The following MYOF variants were observed in gnomAD, a reference collection of about 807,000 sequenced individuals.
The protein encoded by MYOF is myoferlin.
MYOF carries 244 observed loss-of-function variants against 284.2 expected under a neutral mutation model. The observed-to-expected ratio is 0.86, with a 90% confidence interval of 0.77 to 0.95. MYOF has a LOEUF of 0.95. Ranked by LOEUF, MYOF falls within the 40% of genes least tolerant of loss-of-function variation. MYOF has a pLI of 0.00. For synonymous variants in MYOF, 904 were observed against 919.7 expected, an observed-to-expected ratio of 0.98 and a Z score of 0.31; for missense variants, 2,496 against 2,560.6, an observed-to-expected ratio of 0.97 and a Z score of 0.54.
chr10:93,403,117 C>A (rs776902424), intron 9 of MYOF, among the ~76,000 whole-genome samples: 8 of 152,122 alleles, frequency 5.3e-5, no homozygotes, highest in Non-Finnish European at 1.2e-4. Flanking sequence ...AGTCTTAGGG[C>A]TGGAAGGGAC....
intron 5 of MYOF, among the ~76,000 whole-genome samples, chr10:93,416,082 C>T (rs918569997): frequency 6.6e-6 from 1 of 152,208 alleles, no homozygotes; most frequent in African/African-American, 2.4e-5. Context: ...TCCAACGGTC[C>T]AGCCTCAGGT....
intron 5 of MYOF, among the ~76,000 whole-genome samples, chr10:93,419,399 G>A (rs1375232898): frequency 6.6e-6 from 1 of 151,768 alleles, no homozygotes; most frequent in African/African-American, 2.4e-5. Context: ...CTGACCTCAG[G>A]TGATCCACCC....
At chr10:93,319,734 G>T in intron 49 of MYOF, 138 bp downstream of exon 49, 1 of 1,154,638 alleles carries the variant, frequency 8.7e-7, no homozygotes, top group Non-Finnish European at 1.2e-6. Context: ...GTGTCAAGGT[G>T]GCAGATTCCC....
At chr10:93,322,030 T>TATG (rs1842863140) in intron 48 of MYOF, among the ~76,000 whole-genome samples, 1 of 152,058 alleles carries the variant, frequency 6.6e-6, no homozygotes, top group Non-Finnish European at 1.5e-5. Flanking sequence ...CTTATGATAG[T>TATG]CAAATAAATT....
At chr10:93,311,797 C>T (rs541577351) in intron 51 of MYOF, among the ~76,000 whole-genome samples, 2 of 152,292 alleles carry the variant, frequency 1.3e-5, no homozygotes, top group African/African-American at 4.8e-5. Context: ...GCAAGTTGCT[C>T]CATCTCTCCA....
intron 46 of MYOF, among the ~76,000 whole-genome samples, chr10:93,325,354 G>C (rs972028803): frequency 1.3e-5 from 2 of 152,156 alleles, no homozygotes; most frequent in African/African-American, 2.4e-5. Context: ...GGCACCTCCT[G>C]AACCGGGCCG....
intron 17 of MYOF, among the ~76,000 whole-genome samples, chr10:93,389,835 C>T (rs908583126): frequency 9.2e-5 from 14 of 151,988 alleles, no homozygotes; most frequent in Non-Finnish European, 1.8e-4. Flanking sequence ...GGGGAAACTG[C>T]GGGTGAGGGT....
intron 6 of MYOF, among the ~76,000 whole-genome samples, chr10:93,409,329 C>T (rs1847786202): frequency 6.6e-6 from 1 of 152,204 alleles, no homozygotes; most frequent in African/African-American, 2.4e-5. Context: ...CTCTTTCCTT[C>T]TGCCAAAGGG....
chr10:93,340,079 C>CA (rs200315367), intron 39 of MYOF, 74 bp downstream of exon 39: 91,788 of 1,539,500 alleles, frequency 0.06, 3,022 homozygotes, highest in Middle Eastern at 0.11. Context: ...GACTCCTTCT[C>CA]AAAAAAAGAA....
rs778632068 is a variant in MYOF, at chr10:93,373,024, T to C, written c.2363A>G (p.Tyr788Cys). 40 of 1,614,072 alleles carry C rather than the reference T, an allele frequency of 2.5e-5. No individual in the cohort carries two copies. The Admixed American group carries it at 6.3e-4, about 26-fold the overall frequency. The part of the protein sequence containing the change: ...WMIRGEKRLA[Y>C]ARIPAHQVLY... ...GACCTGATGTGCGGGAATTCGTGCATAGGCCAGTCTCTTCTCTCCCCGGAT... is the reference window on the plus strand; with the variant it reads ...GACCTGATGTGCGGGAATTCGTGCACAGGCCAGTCTCTTCTCTCCCCGGAT... The change falls in exon 24 of 54, where the codon TAT (tyrosine) becomes TGT (cysteine). Residue 788 changes from tyrosine (Y) to cysteine (C), a missense_variant. Around this residue, in one of 3 missense-constraint regions of MYOF, gnomAD observed 2,436 missense variants for 2,480.7 expected, o/e 0.98. Coordinates refer to ENST00000359263, the MANE Select transcript of MYOF (RefSeq NM_013451.4).
intron 25 of MYOF, 77 bp downstream of exon 25, chr10:93,369,568 G>C: frequency 6.3e-7 from 1 of 1,584,480 alleles, no homozygotes; most frequent in Non-Finnish European, 8.6e-7. Flanking sequence ...GTATGTAAAT[G>C]TTTTCCATAA....
intron 53 of MYOF, among the ~76,000 whole-genome samples, chr10:93,308,695 C>T (rs573943424): frequency 2.5e-4 from 38 of 151,680 alleles, no homozygotes; most frequent in Non-Finnish European, 4.7e-4. Flanking sequence ...GACACAAAAC[C>T]CCTGCTGCTT....
At chr10:93,328,955 A>G in intron 44 of MYOF, 44 bp from the exon 45 acceptor site, 1 of 1,560,766 alleles carries the variant, frequency 6.4e-7, no homozygotes, top group Non-Finnish European at 8.7e-7. Flanking sequence ...AGGAGCCTGC[A>G]GGTTCTTCTC....
At chr10:93,385,704 A>C (rs1311004578) in intron 19 of MYOF, among the ~76,000 whole-genome samples, 1 of 152,130 alleles carries the variant, frequency 6.6e-6, no homozygotes, top group African/African-American at 2.4e-5. Flanking sequence ...TTTGATTTAT[A>C]TTTATTTAAT....
At chr10:93,330,868 G>T (rs916856776) in intron 43 of MYOF, among the ~76,000 whole-genome samples, 1 of 152,130 alleles carries the variant, frequency 6.6e-6, no homozygotes, top group Non-Finnish European at 1.5e-5. Context: ...TGTGAGAAAA[G>T]GTGCTTGAGT....
chr10:93,337,946 T>C (rs758910690), intron 39 of MYOF, 33 bp from the exon 40 acceptor site: 1 of 1,499,730 alleles, frequency 6.7e-7, no homozygotes, highest in East Asian at 2.3e-5. Context: ...AAATCTTTAG[T>C]GATGTCCTGG....
Position 93,377,044 on chromosome 10 carries a change from C to T in MYOF, c.2108+279G>A, listed in dbSNP as rs373827383. On this transcript the variant is annotated intron_variant, in intron 22 of 53. Transcript: ENST00000359263. The stretch of plus-strand genomic sequence containing the variant: ...AGAGGCTCAGGCTTGCTTCTTTCTC[C>T]GCTCCCCATCCCTTGCCTGAGGCTG... Among the ~76,000 whole-genome samples the T allele has an allele frequency of 1.2e-4, 19 of 152,226 alleles. No homozygotes were observed. The East Asian group carries it at 3.3e-3, about 26-fold the overall frequency.
chr10:93,396,260 A>G, intron 15 of MYOF, 36 bp from the exon 16 acceptor site: 1 of 1,453,756 alleles, frequency 6.9e-7, no homozygotes. Context: ...ATAAAAAATA[A>G]AAGGTTCAGA....
At chr10:93,309,423 A>G (rs1488299804) in intron 53 of MYOF, among the ~76,000 whole-genome samples, 1 of 152,162 alleles carries the variant, frequency 6.6e-6, no homozygotes, top group Non-Finnish European at 1.5e-5. Context: ...CCCGTTTATG[A>G]CTGGGGTGAT....
Sources: allele counts gnomAD v4.1 joint callset (sites outside exome capture counted in the v4.1 genomes callset), GRCh38; gene constraint gnomAD v4.1.1; regional missense constraint gnomAD v4.1.1; transcripts MANE v1.5; gene names NCBI Gene and HGNC (gene_info 2026-07-23, HGNC 2026-07-21).